IL7: variants seen among roughly 807,000 people sequenced by gnomAD.
IL7 encodes the protein interleukin 7.
A neutral mutation model predicts 21.6 loss-of-function variants in IL7; 3 were observed. The ratio of observed to expected loss-of-function variants is 0.14; its 90% CI spans 0.06 to 0.36. IL7 has a LOEUF of 0.36. Ranked by LOEUF, IL7 falls within the 10% of genes least tolerant of loss-of-function variation. IL7 has a pLI of 1.00. For missense variants in IL7, 175 were observed against 200.2 expected (o/e 0.87, Z 0.76); for synonymous variants, 62 against 68.1 (o/e 0.91, Z 0.44).
rs974110964 is a variant in IL7, at chr8:78,762,133, T to C, written c.148-22051A>G. On this transcript the variant is annotated intron_variant, in intron 2 of 5. Transcript: ENST00000263851. ...TCAGTTCTTTTATTCGTTTTCTGTG[T>C]CTACTATGTGGGTTGTTCAAATGAC... 26 of 1,597,214 alleles carry C rather than the reference T, an allele frequency of 1.6e-5. No homozygotes were observed. In the African/African-American group the frequency reaches 3.1e-4, roughly 19 times the overall value.
chr8:78,682,914 G>A (rs775624027), intron 4 of IL7, among the ~76,000 whole-genome samples: 1 of 152,204 alleles, frequency 6.6e-6, no homozygotes, highest in East Asian at 1.9e-4. Flanking sequence ...AAAACAAAGG[G>A]GCCACAGGCT....
At chr8:78,801,358 C>T (rs1814052755) in intron 1 of IL7, among the ~76,000 whole-genome samples, 1 of 152,118 alleles carries the variant, frequency 6.6e-6, no homozygotes, top group Admixed American at 6.5e-5. Flanking sequence ...TGAGGATCTA[C>T]TATGTGGTCT....
At chr8:78,780,518 A>G (rs1225136711) in intron 2 of IL7, among the ~76,000 whole-genome samples, 1 of 152,100 alleles carries the variant, frequency 6.6e-6, no homozygotes, top group Non-Finnish European at 1.5e-5. Flanking sequence ...CGGGTTGTTC[A>G]ATTTCCATGT....
intron 3 of IL7, chr8:78,712,086 TGA>T (rs1449668865): frequency 7.8e-7 from 1 of 1,288,954 alleles, no homozygotes; most frequent in African/African-American, 1.5e-5. Context: ...TCAAAAGACA[TGA>T]GTTATTACCT....
At chr8:78,720,212 C>G (rs1811212297) in intron 5 of IL7, among the ~76,000 whole-genome samples, 1 of 151,640 alleles carries the variant, frequency 6.6e-6, no homozygotes. Context: ...AACATTTAAC[C>G]ATGAGTAGAA....
chr8:78,762,523 C>A, intron 2 of IL7: 3 of 743,204 alleles, frequency 4.0e-6, no homozygotes, highest in Non-Finnish European at 5.5e-6. Context: ...GGAGCCAGGC[C>A]GGCCGGCCGG....
downstream of IL7, chr8:78,715,133 G>T: frequency 8.8e-7 from 1 of 1,139,454 alleles, no homozygotes; most frequent in Non-Finnish European, 1.2e-6. Flanking sequence ...AAGCTTCTAA[G>T]TATTCTTTCT....
chr8:78,697,769 C>T (rs914128129), intron 3 of IL7, among the ~76,000 whole-genome samples: 1 of 151,446 alleles, frequency 6.6e-6, no homozygotes, highest in Admixed American at 6.6e-5. Flanking sequence ...ACCTTCGCCT[C>T]CCAGGTTCAA....
downstream of IL7, among the ~76,000 whole-genome samples, chr8:78,729,234 G>C (rs1331794795): frequency 4.0e-5 from 6 of 151,844 alleles, no homozygotes; most frequent in Non-Finnish European, 8.8e-5. Flanking sequence ...TCTCCCCATG[G>C]AACTTTTTTC....
At chr8:78,676,125 TAAA>T (rs145824687) in intron 4 of IL7, 2 of 194,972 alleles carry the variant, frequency 1.0e-5, no homozygotes, top group East Asian at 9.1e-5. Flanking sequence ...ACAAACAAAA[TAAA>T]AAAAAAAAAA....
chr8:78,769,601 C>G (rs1306985993), intron 2 of IL7, among the ~76,000 whole-genome samples: 9 of 152,228 alleles, frequency 5.9e-5, no homozygotes, highest in Admixed American at 2.6e-4. Flanking sequence ...TGAAAATGGC[C>G]ATACTGCCCA....
chr8:78,741,832 G>A (rs2130698111), intron 2 of IL7, among the ~76,000 whole-genome samples: 1 of 152,186 alleles, frequency 6.6e-6, no homozygotes, highest in East Asian at 1.9e-4. Context: ...GCCAATTACT[G>A]TTGCTTTCTA....
At chr8:78,773,870 A>G (rs533911751) in intron 2 of IL7, among the ~76,000 whole-genome samples, 1 of 152,256 alleles carries the variant, frequency 6.6e-6, no homozygotes, top group African/African-American at 2.4e-5. Flanking sequence ...CAAAGGCAGA[A>G]AAATCAGAAG....
chr8:78,687,580 A>T (rs1029891937), intron 3 of IL7, among the ~76,000 whole-genome samples: 2 of 142,554 alleles, frequency 1.4e-5, no homozygotes, highest in African/African-American at 5.1e-5. Flanking sequence ...ATATATATTT[A>T]CGTAATAAAT....
downstream of IL7, among the ~76,000 whole-genome samples, chr8:78,717,143 T>G (rs754378980): frequency 6.6e-6 from 1 of 151,908 alleles, no homozygotes; most frequent in Non-Finnish European, 1.5e-5. Context: ...ATAAATATAA[T>G]GTTAAAAAAA....
intron 3 of IL7, among the ~76,000 whole-genome samples, chr8:78,688,985 C>T (rs1810116619): frequency 6.7e-6 from 1 of 150,204 alleles, no homozygotes; most frequent in African/African-American, 2.4e-5. Flanking sequence ...TTTTCCTTCA[C>T]ACATTTGATT....
Position 78,776,207 on chromosome 8 carries a change from A to T in IL7, c.147+21865T>A, listed in dbSNP as rs75788387. On this transcript the variant is annotated intron_variant, in intron 2 of 5. Transcript: ENST00000263851. ...AAGTAAGAATGACTTGAACATAAGC[A>T]CTGAGATACCTCTGCAGCCAATCTG... Among the ~76,000 whole-genome samples the T allele has an allele frequency of 2.3e-3, 354 of 152,166 alleles. 1 individual carries two copies. The highest frequency in any genetic ancestry group is 8.1e-3 in the African/African-American group (335 of 41,546).
At chr8:78,786,117 ATATAT>A (rs1813502414) in intron 2 of IL7, among the ~76,000 whole-genome samples, 2 of 152,286 alleles carry the variant, frequency 1.3e-5, no homozygotes, top group Non-Finnish European at 1.5e-5. Flanking sequence ...ATGATAGGGG[ATATAT>A]TATGAGAAAT....
intron 3 of IL7, among the ~76,000 whole-genome samples, chr8:78,695,291 A>G (rs1380002346): frequency 6.6e-6 from 1 of 152,140 alleles, no homozygotes; most frequent in Non-Finnish European, 1.5e-5. Context: ...AAAGCAAAAC[A>G]TTTTTTGGAG....
Sources: gnomAD v4.1 joint callset for allele counts (sites outside exome capture counted in the v4.1 genomes callset) on GRCh38, gnomAD v4.1.1 for gene constraint, MANE v1.5 for transcripts, NCBI Gene and HGNC (gene_info 2026-07-23, HGNC 2026-07-21) for gene names.